The following NBAS variants were observed in gnomAD, a reference collection of about 807,000 sequenced individuals.
NBAS encodes the protein NAG/BC035112 fusion.
Under a neutral mutation model 302.5 loss-of-function variants are expected in NBAS, and 219 were observed. The ratio of observed to expected loss-of-function variants is 0.72; its 90% CI spans 0.65 to 0.81. The LOEUF (loss-of-function observed/expected upper bound fraction) is 0.81, where lower values mean the gene tolerates loss of function less well. Among genes scored for constraint, NBAS ranks in the 30% least tolerant of loss-of-function variants. NBAS has a pLI of 0.00. For missense variants in NBAS, 2,932 were observed against 2,841.6 expected (o/e 1.03, Z -0.72); for synonymous variants, 1,118 against 1,021.6 (o/e 1.09, Z -1.80).
intron 48 of NBAS, among the ~76,000 whole-genome samples, chr2:15,195,072 A>G (rs1296266117): frequency 6.6e-6 from 1 of 152,216 alleles, no homozygotes; most frequent in East Asian, 1.9e-4. Context: ...AATATGTGAA[A>G]ACCAAAAATA....
chr2:15,450,311 G>A (rs1052742207), intron 21 of NBAS, among the ~76,000 whole-genome samples: 15 of 152,148 alleles, frequency 9.9e-5, no homozygotes, highest in African/African-American at 3.4e-4. Flanking sequence ...CAAAGACTCA[G>A]TATGTGAAAT....
At chr2:15,538,436 C>G (rs1320964435) in intron 7 of NBAS, 1 of 358,680 alleles carries the variant, frequency 2.8e-6, no homozygotes, top group Non-Finnish European at 5.6e-6. Context: ...CTAGAATCAG[C>G]TAAAAGCTTA....
At chr2:15,537,133 C>T (rs1558421730) in intron 7 of NBAS, among the ~76,000 whole-genome samples, 1 of 152,170 alleles carries the variant, frequency 6.6e-6, no homozygotes, top group Non-Finnish European at 1.5e-5. Context: ...TCGAATATGC[C>T]GACCCAAAAT....
At chr2:14,845,373 T>C in the NBAS span, among the ~76,000 whole-genome samples, 1 of 152,192 alleles carries the variant, frequency 6.6e-6, no homozygotes, top group Non-Finnish European at 1.5e-5. Flanking sequence ...CTAATAAAGA[T>C]ATGGCTTATA....
intron 2 of NBAS, among the ~76,000 whole-genome samples, chr2:15,557,353 G>A (rs1241506075): frequency 1.3e-5 from 2 of 151,862 alleles, no homozygotes; most frequent in African/African-American, 4.8e-5. Flanking sequence ...ATATATCAAT[G>A]GAAAAATATC....
chr2:14,935,418 C>G, the NBAS span, among the ~76,000 whole-genome samples: 2 of 152,120 alleles, frequency 1.3e-5, no homozygotes, highest in Admixed American at 6.5e-5. Context: ...ATAAAGATAA[C>G]AAGTCATTTT....
At chr2:15,022,023 G>A in the NBAS span, among the ~76,000 whole-genome samples, 3,202 of 152,212 alleles carry the variant, frequency 0.021, 61 homozygotes, top group African/African-American at 0.046. Flanking sequence ...CTCTTGAAAC[G>A]TCACTTGATG....
chr2:15,407,255 T>C (rs1329804229), intron 25 of NBAS, among the ~76,000 whole-genome samples: 1 of 152,176 alleles, frequency 6.6e-6, no homozygotes, highest in African/African-American at 2.4e-5. Context: ...ACTTTTCACT[T>C]CCTGAGGACC....
chr2:14,967,870 C>A, the NBAS span, among the ~76,000 whole-genome samples: 1 of 152,120 alleles, frequency 6.6e-6, no homozygotes, highest in Non-Finnish European at 1.5e-5. Flanking sequence ...TTCCTCTTGG[C>A]AGCTCTCAAG....
At chr2:15,258,198 C>T (rs1572541587) in intron 44 of NBAS, among the ~76,000 whole-genome samples, 1 of 152,146 alleles carries the variant, frequency 6.6e-6, no homozygotes, top group South Asian at 2.1e-4. Flanking sequence ...TCTCTTAATT[C>T]TGTTATCTTC....
the NBAS span, among the ~76,000 whole-genome samples, chr2:15,008,161 A>G: frequency 6.6e-6 from 1 of 152,204 alleles, no homozygotes; most frequent in Admixed American, 6.5e-5. Flanking sequence ...AATTACACCC[A>G]GAAACAGCCT....
chr2:14,801,584 C>A, the NBAS span, among the ~76,000 whole-genome samples: 4 of 152,012 alleles, frequency 2.6e-5, no homozygotes, highest in Non-Finnish European at 4.4e-5. Context: ...AAATTTCAAA[C>A]TGTTTTAATT....
the NBAS span, among the ~76,000 whole-genome samples, chr2:15,064,375 C>A: frequency 5.4e-5 from 8 of 149,522 alleles, no homozygotes; most frequent in South Asian, 1.3e-3. Flanking sequence ...GATCACAGGA[C>A]TACTATGAAC....
chr2:15,529,597 T>A (rs1270135477), intron 9 of NBAS, among the ~76,000 whole-genome samples: 1 of 152,006 alleles, frequency 6.6e-6, no homozygotes, highest in Middle Eastern at 3.2e-3. Flanking sequence ...CCAAAGGAAA[T>A]GTTAACATAA....
the NBAS span, among the ~76,000 whole-genome samples, chr2:15,151,318 C>T: frequency 2.0e-5 from 3 of 152,228 alleles, no homozygotes; most frequent in African/African-American, 7.2e-5. Flanking sequence ...GTCTACACCC[C>T]TTAGTTTTCA....
chr2:15,367,513 T>G (rs1674270636), intron 31 of NBAS, among the ~76,000 whole-genome samples: 1 of 152,168 alleles, frequency 6.6e-6, no homozygotes, highest in Admixed American at 6.6e-5. Flanking sequence ...AAACTCTTAT[T>G]AATAGAAGGC....
chr2:15,351,463 G>A (rs1226871113), intron 35 of NBAS, among the ~76,000 whole-genome samples: 1 of 152,078 alleles, frequency 6.6e-6, no homozygotes, highest in Non-Finnish European at 1.5e-5. Flanking sequence ...GATCACTTAA[G>A]GTCAGGAGTT....
the NBAS span, among the ~76,000 whole-genome samples, chr2:15,107,227 C>G: frequency 1.3e-5 from 2 of 151,610 alleles, no homozygotes; most frequent in Non-Finnish European, 2.9e-5. Flanking sequence ...GGAGAGAATT[C>G]TCTCTCTCTC....
chr2:15,099,758 T>G, the NBAS span, among the ~76,000 whole-genome samples: 1 of 151,956 alleles, frequency 6.6e-6, no homozygotes, highest in Admixed American at 6.6e-5. Flanking sequence ...AGACATACAT[T>G]GGACTTTACG....
Sources: gnomAD v4.1 joint callset for allele counts (sites outside exome capture counted in the v4.1 genomes callset) on GRCh38, gnomAD v4.1.1 for gene constraint, MANE v1.5 for transcripts, NCBI Gene and HGNC (gene_info 2026-07-23, HGNC 2026-07-21) for gene names.